Variants in ZFPM2 observed in about 807,000 individuals in gnomAD.
The protein encoded by ZFPM2 is zinc finger protein ZFPM2.
In ZFPM2, 20 loss-of-function variants were observed where a neutral mutation model predicts 98.6. That is an observed-to-expected ratio of 0.20 (90% confidence interval 0.14 to 0.29). The LOEUF (loss-of-function observed/expected upper bound fraction) is 0.29. Ranked by LOEUF, ZFPM2 falls within the 10% of genes least tolerant of loss-of-function variation. The probability of loss-of-function intolerance (pLI) is 1.00; values close to 1 mark genes in which losing one functional copy is unlikely to be tolerated. For missense variants in ZFPM2, 1,310 were observed against 1,388.6 expected (o/e 0.94, Z 0.90); for synonymous variants, 518 against 502.7 (o/e 1.03, Z -0.41).
In ZFPM2 at chr8:105,670,674, C is replaced by T. The variant is rs1183623531; in HGVS notation, c.532+36317C>T. ...TGACCCCATCTTTTAAAAATAGCTT[C>T]ATTGCATATGTATATATTTCTAAAA... is the stretch of plus-strand genomic sequence containing the variant. On this transcript the variant is annotated intron_variant, in intron 5 of 7. Transcript: ENST00000407775. 2.6e-5 allele frequency among the ~76,000 whole-genome samples: 4 copies of T among 152,128 alleles called. No individual in the cohort carries two copies. The East Asian group carries it at 7.7e-4, about 29-fold the overall frequency.
At chr8:105,635,542 C>T (rs936862141) in intron 5 of ZFPM2, among the ~76,000 whole-genome samples, 8 of 151,752 alleles carry the variant, frequency 5.3e-5, no homozygotes, top group Admixed American at 1.3e-4. Context: ...CACTAATTTT[C>T]TAACCCGGAA....
intron 3 of ZFPM2, among the ~76,000 whole-genome samples, chr8:105,472,114 C>T (rs1474618482): frequency 6.6e-6 from 1 of 152,224 alleles, no homozygotes; most frequent in East Asian, 1.9e-4. Context: ...AGTTGTCTTA[C>T]ACTTTAGTTG....
At chr8:105,530,189 C>T (rs115887245) in intron 3 of ZFPM2, among the ~76,000 whole-genome samples, 4,316 of 152,112 alleles carry the variant, frequency 0.028, 212 homozygotes, top group African/African-American at 0.099. Flanking sequence ...TGATAGCTGC[C>T]CCCAGTGGGA....
intron 4 of ZFPM2, among the ~76,000 whole-genome samples, chr8:105,629,851 C>A (rs1258042798): frequency 1.3e-5 from 2 of 152,112 alleles, no homozygotes; most frequent in Non-Finnish European, 2.9e-5. Flanking sequence ...CATGTTGAAT[C>A]TCTTGGATTT....
intron 2 of ZFPM2, among the ~76,000 whole-genome samples, chr8:105,437,524 CA>C (rs1180181298): frequency 6.6e-6 from 1 of 152,070 alleles, no homozygotes; most frequent in African/African-American, 2.4e-5. Context: ...TGAGAATGAT[CA>C]GGGGTAAATT....
intron 4 of ZFPM2, among the ~76,000 whole-genome samples, chr8:105,624,939 C>T (rs1816623946): frequency 6.6e-6 from 1 of 152,130 alleles, no homozygotes; most frequent in African/African-American, 2.4e-5. Context: ...AGTCTCTTAT[C>T]ATATTTGAGA....
chr8:105,740,728 A>ACCTGCTTCCC (rs1377519233), intron 5 of ZFPM2, among the ~76,000 whole-genome samples: 19 of 151,818 alleles, frequency 1.3e-4, no homozygotes, highest in Non-Finnish European at 1.9e-4. Context: ...TACCCTAGGA[A>ACCTGCTTCCC]ACAAATATAG....
At chr8:105,449,544 T>C (rs1165241922) in intron 3 of ZFPM2, among the ~76,000 whole-genome samples, 5 of 152,056 alleles carry the variant, frequency 3.3e-5, no homozygotes, top group Admixed American at 3.3e-4. Context: ...TTTTTTGTAT[T>C]ATACATTTTC....
At chr8:105,521,702 C>T (rs1393260985) in intron 3 of ZFPM2, among the ~76,000 whole-genome samples, 2 of 151,974 alleles carry the variant, frequency 1.3e-5, no homozygotes, top group African/African-American at 2.4e-5. Context: ...CTCAGCCTCC[C>T]GACTAGCTGG....
chr8:105,730,879 C>T (rs900088181), intron 5 of ZFPM2, among the ~76,000 whole-genome samples: 4 of 148,436 alleles, frequency 2.7e-5, no homozygotes, highest in African/African-American at 1.0e-4. Flanking sequence ...GACAGCTCTG[C>T]AGAGATAGGC....
At chr8:105,635,918 A>AT (rs1037082914) in intron 5 of ZFPM2, among the ~76,000 whole-genome samples, 13 of 151,894 alleles carry the variant, frequency 8.6e-5, no homozygotes, top group Non-Finnish European at 1.3e-4. Flanking sequence ...CAGATTTCAG[A>AT]TTTTTTTTCA....
chr8:105,522,792 T>C (rs1196344916), intron 3 of ZFPM2, among the ~76,000 whole-genome samples: 2 of 152,190 alleles, frequency 1.3e-5, no homozygotes, highest in African/African-American at 2.4e-5. Flanking sequence ...AGTTCCGATA[T>C]TGTTATTTCA....
At chr8:105,466,922 G>A (rs76847476) in intron 3 of ZFPM2, among the ~76,000 whole-genome samples, 4,399 of 152,116 alleles carry the variant, frequency 0.029, 197 homozygotes, top group African/African-American at 0.1. Context: ...CTAGTTTCAA[G>A]TCCTGTTTCA....
intron 3 of ZFPM2, among the ~76,000 whole-genome samples, chr8:105,520,012 T>G (rs577215876): frequency 6.6e-6 from 1 of 152,286 alleles, no homozygotes; most frequent in South Asian, 2.1e-4. Flanking sequence ...AAAATTGTTT[T>G]GATAACCTGA....
intron 5 of ZFPM2, among the ~76,000 whole-genome samples, chr8:105,660,690 G>A (rs1176458196): frequency 6.6e-6 from 1 of 152,060 alleles, no homozygotes; most frequent in Admixed American, 6.6e-5. Flanking sequence ...TTCTGAAAAT[G>A]TAACTTCTGG....
chr8:105,322,502 T>G (rs1173067162), intron 1 of ZFPM2, among the ~76,000 whole-genome samples: 1 of 151,272 alleles, frequency 6.6e-6, no homozygotes, highest in Non-Finnish European at 1.5e-5. Flanking sequence ...CTCTAGTAGT[T>G]AATATAGAGC....
intron 5 of ZFPM2, among the ~76,000 whole-genome samples, chr8:105,635,229 A>G (rs1247840798): frequency 6.6e-6 from 1 of 152,188 alleles, no homozygotes; most frequent in Admixed American, 6.5e-5. Flanking sequence ...GTATTTGCAC[A>G]TTGAACCTAG....
At chr8:105,323,637 G>A (rs747595092) in intron 1 of ZFPM2, among the ~76,000 whole-genome samples, 1 of 151,744 alleles carries the variant, frequency 6.6e-6, no homozygotes, top group Non-Finnish European at 1.5e-5. Flanking sequence ...AAAAATCTAG[G>A]AATAATTATT....
intron 3 of ZFPM2, among the ~76,000 whole-genome samples, chr8:105,508,306 C>G (rs1215606156): frequency 4.6e-5 from 7 of 152,264 alleles, no homozygotes; most frequent in African/African-American, 1.7e-4. Context: ...GCTTCTGTCT[C>G]TAGCAGAAGA....
Sources: gnomAD v4.1 joint callset for allele counts (sites outside exome capture counted in the v4.1 genomes callset) on GRCh38, gnomAD v4.1.1 for gene constraint, MANE v1.5 for transcripts, NCBI Gene and HGNC (gene_info 2026-07-23, HGNC 2026-07-21) for gene names.